The following ALKBH8 variants were observed in gnomAD, a reference collection of about 807,000 sequenced individuals.
ALKBH8 encodes tRNA (carboxymethyluridine(34)-5-O)-methyltransferase ALKBH8.
A neutral mutation model predicts 59.8 loss-of-function variants in ALKBH8; 36 were observed. The observed-to-expected ratio is 0.60, with a 90% confidence interval of 0.46 to 0.79. The LOEUF (loss-of-function observed/expected upper bound fraction) is 0.79, where lower values mean the gene tolerates loss of function less well. Ranked by LOEUF, ALKBH8 falls within the 30% of genes least tolerant of loss-of-function variation. ALKBH8 has a pLI of 0.00. For synonymous variants in ALKBH8, 276 were observed against 273.6 expected (o/e 1.01, Z -0.09); for missense variants, 768 against 801.0 (o/e 0.96, Z 0.50).
At chr11:107,550,224 C>T (rs1393549835) in intron 6 of ALKBH8, among the ~76,000 whole-genome samples, 3 of 152,226 alleles carry the variant, frequency 2.0e-5, no homozygotes, top group Non-Finnish European at 2.9e-5. Context: ...TCAATAATTA[C>T]GATATGGACT....
chr11:107,528,925 T>C (rs557974254), intron 8 of ALKBH8, among the ~76,000 whole-genome samples: 1 of 152,172 alleles, frequency 6.6e-6, no homozygotes, highest in Non-Finnish European at 1.5e-5. Context: ...AAGGAATAAA[T>C]TATTTCAAGT....
rs1383378999 is a variant in ALKBH8 at position 107,502,937 on chromosome 11, G to A, written c.*1721C>T. On this transcript the variant is annotated 3_prime_UTR_variant, in exon 12 of 12. Transcript: ENST00000428149. Reference sequence around the variant, plus strand: ...AGCTAAGAAAACTGAAGCACAGAAAGTCAAGAAATTTGCCCAAAATCCCAC... The same window carrying A: ...AGCTAAGAAAACTGAAGCACAGAAAATCAAGAAATTTGCCCAAAATCCCAC... 2.0e-5 allele frequency: 3 copies of A among 152,086 alleles called. No individual in the cohort carries two copies. The highest frequency in any genetic ancestry group is 7.2e-5 in the African/African-American group (3 of 41,414). The allele number at this position is 152,086 out of a possible 1,614,324, so 9.4% of individuals were successfully genotyped here.
At chr11:107,565,567 G>A in intron 1 of ALKBH8, 34 bp downstream of exon 1, 1 of 1,535,592 alleles carries the variant, frequency 6.5e-7, no homozygotes, top group Non-Finnish European at 8.7e-7. Flanking sequence ...GTGATTTGCT[G>A]CCCGTATGCC....
At chr11:107,508,598 A>G (rs1463703951) in intron 11 of ALKBH8, among the ~76,000 whole-genome samples, 1 of 152,164 alleles carries the variant, frequency 6.6e-6, no homozygotes, top group Non-Finnish European at 1.5e-5. Context: ...CATCACTATT[A>G]TCCATCTCCA....
chr11:107,545,023 G>A lies in ALKBH8; in HGVS notation c.771+4730C>T, dbSNP rs1044275941. Among the ~76,000 whole-genome samples, 12 of 152,210 alleles carry A rather than the reference G, an allele frequency of 7.9e-5. No individual in the cohort carries two copies. In the South Asian group the frequency reaches 2.1e-3, roughly 26 times the overall value. ...GACAATCCATTTTTCAGAACTTCAG[G>A]AAATGAAAATATTCCAAGGACTCTC... On this transcript the variant is annotated intron_variant, in intron 7 of 11. Coordinates refer to ENST00000428149, the MANE Select transcript of ALKBH8 (RefSeq NM_138775.3).
At chr11:107,518,045 A>G (rs1251977824) in intron 10 of ALKBH8, among the ~76,000 whole-genome samples, 1 of 152,018 alleles carries the variant, frequency 6.6e-6, no homozygotes, top group African/African-American at 2.4e-5. Flanking sequence ...TCTGTCCTGT[A>G]AAGACATTTT....
At chr11:107,533,317 C>T (rs1022923127) in intron 7 of ALKBH8, among the ~76,000 whole-genome samples, 10 of 152,132 alleles carry the variant, frequency 6.6e-5, no homozygotes, top group Non-Finnish European at 1.5e-5. Flanking sequence ...AATAATTCAG[C>T]ATAGTACCTT....
chr11:107,514,646 T>C (rs1206705750), intron 10 of ALKBH8, among the ~76,000 whole-genome samples: 2 of 152,140 alleles, frequency 1.3e-5, no homozygotes, highest in African/African-American at 4.8e-5. Flanking sequence ...CAGCCAACAG[T>C]CAGAATATCA....
At chr11:107,536,245 T>C (rs1863810575) in intron 7 of ALKBH8, among the ~76,000 whole-genome samples, 5 of 152,248 alleles carry the variant, frequency 3.3e-5, no homozygotes, top group African/African-American at 7.2e-5. Flanking sequence ...GAACCTATTC[T>C]GGTTCAGGGC....
chr11:107,552,065 A>G (rs748778564), intron 5 of ALKBH8, among the ~76,000 whole-genome samples, 153 bp from the exon 6 acceptor site: 8 of 151,190 alleles, frequency 5.3e-5, no homozygotes, highest in Non-Finnish European at 1.0e-4. Context: ...AAATTAAAAA[A>G]TAAAAAAATT....
intron 1 of ALKBH8, among the ~76,000 whole-genome samples, chr11:107,564,031 G>A (rs768620213): frequency 6.6e-6 from 1 of 152,150 alleles, no homozygotes; most frequent in Non-Finnish European, 1.5e-5. Flanking sequence ...GCCCCCTTCT[G>A]ACAAAGCCAC....
chr11:107,521,478 T>C (rs1863108513), intron 10 of ALKBH8, among the ~76,000 whole-genome samples: 2 of 152,234 alleles, frequency 1.3e-5, no homozygotes, highest in South Asian at 2.1e-4. Flanking sequence ...TAATCTGACA[T>C]ACTCCAACAA....
intron 1 of ALKBH8, among the ~76,000 whole-genome samples, chr11:107,563,268 TG>T (rs1287837516): frequency 6.6e-6 from 1 of 152,240 alleles, no homozygotes; most frequent in East Asian, 1.9e-4. Flanking sequence ...CCCCTTCCAC[TG>T]AACTGTGAGC....
chr11:107,558,645 C>A (rs185872953), intron 2 of ALKBH8, among the ~76,000 whole-genome samples: 1 of 151,566 alleles, frequency 6.6e-6, no homozygotes, highest in Non-Finnish European at 1.5e-5. Flanking sequence ...AAAACAAGTG[C>A]GGTAGAAGAG....
chr11:107,554,497 C>G (rs1198972477), intron 3 of ALKBH8, among the ~76,000 whole-genome samples: 1 of 152,078 alleles, frequency 6.6e-6, no homozygotes, highest in Non-Finnish European at 1.5e-5. Flanking sequence ...CTGTGTCCTT[C>G]AAAGTTTCAG....
rs920765005 is a variant in ALKBH8 at position 107,549,895 on chromosome 11, G to C, written c.701-72C>G. 1.1e-5 allele frequency: 12 copies of C among 1,085,538 alleles called. No individual in the cohort carries two copies. The African/African-American group carries it at 1.6e-4, about 14-fold the overall frequency. The allele number at this position is 1,085,538 out of a possible 1,614,324, so 67.2% of individuals were successfully genotyped here. On this transcript the variant is annotated intron_variant, in intron 6 of 11. Coordinates refer to ENST00000428149, the MANE Select transcript of ALKBH8 (RefSeq NM_138775.3). ...TAGATTTAAGATGGCTATAAATGTAGCCTTATGCTATTAAGGTGAAAACAT... is the reference window on the plus strand; with the variant it reads ...TAGATTTAAGATGGCTATAAATGTACCCTTATGCTATTAAGGTGAAAACAT...
intron 11 of ALKBH8, among the ~76,000 whole-genome samples, chr11:107,510,564 C>T (rs1346190989): frequency 6.6e-5 from 10 of 152,082 alleles, no homozygotes; most frequent in Admixed American, 6.5e-4. Flanking sequence ...AGCTGATGAT[C>T]TCAAATTCTC....
chr11:107,554,008 T>G, intron 3 of ALKBH8, 30 bp from the exon 4 acceptor site: 2 of 1,611,336 alleles, frequency 1.2e-6, no homozygotes, highest in East Asian at 2.2e-5. Flanking sequence ...AATAGTCACA[T>G]GCAAAACTTA....
chr11:107,548,858 T>C (rs79797762), intron 7 of ALKBH8, among the ~76,000 whole-genome samples: 1 of 15,412 alleles, frequency 6.5e-5, no homozygotes, highest in Non-Finnish European at 5.3e-4. Context: ...TTTCTTTCTT[T>C]TTTTTTTTTT....
Sources: gnomAD v4.1 joint callset for allele counts (sites outside exome capture counted in the v4.1 genomes callset) on GRCh38, gnomAD v4.1.1 for gene constraint, MANE v1.5 for transcripts, NCBI Gene and HGNC (gene_info 2026-07-23, HGNC 2026-07-21) for gene names.